The following LSAMP variants were observed in gnomAD, a reference collection of about 807,000 sequenced individuals.
LSAMP encodes limbic system-associated membrane protein.
LSAMP carries 7 observed loss-of-function variants against 38.6 expected under a neutral mutation model. The observed-to-expected ratio is 0.18, with a 90% CI of 0.10 to 0.34. The LOEUF (loss-of-function observed/expected upper bound fraction) is 0.34, where lower values mean the gene tolerates loss of function less well. Ranked by LOEUF, LSAMP falls within the 10% of genes least tolerant of loss-of-function variation. LSAMP has a pLI of 1.00. For missense variants in LSAMP, 313 were observed against 420.0 expected (o/e 0.75, Z 2.23); for synonymous variants, 154 against 166.8 (o/e 0.92, Z 0.59).
intron 1 of LSAMP, among the ~76,000 whole-genome samples, chr3:116,323,200 A>G (rs763345285): frequency 2.6e-5 from 4 of 152,144 alleles, no homozygotes; most frequent in Non-Finnish European, 4.4e-5. Context: ...TATCACAAAG[A>G]TGACTTAGCT....
At chr3:116,119,678 A>G (rs1056236860) in intron 1 of LSAMP, among the ~76,000 whole-genome samples, 3 of 137,126 alleles carry the variant, frequency 2.2e-5, no homozygotes, top group African/African-American at 8.7e-5. Context: ...TTTTTTTTTG[A>G]GAAGGAGTCT....
chr3:116,015,842 C>T (rs574401895), intron 3 of LSAMP, among the ~76,000 whole-genome samples: 2 of 152,126 alleles, frequency 1.3e-5, no homozygotes, highest in Admixed American at 1.3e-4. Context: ...TTTTCTTTCC[C>T]TCATGTCATC....
intron 3 of LSAMP, among the ~76,000 whole-genome samples, chr3:115,881,415 T>C (rs1259324359): frequency 1.3e-5 from 2 of 152,162 alleles, no homozygotes; most frequent in Admixed American, 1.3e-4. Context: ...CCAATTCTTT[T>C]GTGAGTATTA....
chr3:116,061,987 A>T (rs1941602364), intron 2 of LSAMP, among the ~76,000 whole-genome samples: 1 of 152,248 alleles, frequency 6.6e-6, no homozygotes, highest in African/African-American at 2.4e-5. Context: ...AATAATTACA[A>T]CATTTTTTTC....
chr3:116,420,667 T>G (rs905560629), intron 1 of LSAMP, among the ~76,000 whole-genome samples: 1 of 151,632 alleles, frequency 6.6e-6, no homozygotes, highest in Non-Finnish European at 1.5e-5. Context: ...GGTCAGGAAT[T>G]CGAGACCAGC....
chr3:116,273,119 C>A (rs545176937), intron 1 of LSAMP, among the ~76,000 whole-genome samples: 24 of 152,180 alleles, frequency 1.6e-4, no homozygotes, highest in African/African-American at 5.5e-4. Context: ...GGACAGAAGA[C>A]CTTATCTGTA....
chr3:115,996,520 C>T (rs1939818853), intron 3 of LSAMP, among the ~76,000 whole-genome samples: 1 of 151,696 alleles, frequency 6.6e-6, no homozygotes, highest in South Asian at 2.1e-4. Flanking sequence ...TAAAGTTTTC[C>T]CCTTAAATTA....
chr3:116,141,589 T>C (rs1709371883), intron 1 of LSAMP, among the ~76,000 whole-genome samples: 1 of 151,922 alleles, frequency 6.6e-6, no homozygotes, highest in African/African-American at 2.4e-5. Flanking sequence ...TCTTTAACAC[T>C]TTTGAATGAC....
intron 1 of LSAMP, among the ~76,000 whole-genome samples, chr3:116,177,450 G>T (rs1559771340): frequency 6.6e-6 from 1 of 151,950 alleles, no homozygotes; most frequent in Non-Finnish European, 1.5e-5. Flanking sequence ...CAGGATATAG[G>T]CTTCTTGAGA....
rs188613560 is a variant in LSAMP, at chr3:115,833,467, G to T, written c.919+8378C>A. ...ATAATAACTCTTATTAAACTGTCTAGTTGATCCTTGAAACCTTGCAATCCT... is the reference window on the plus strand; with the variant it reads ...ATAATAACTCTTATTAAACTGTCTATTTGATCCTTGAAACCTTGCAATCCT... On this transcript the variant is annotated intron_variant, in intron 6 of 6. Transcript: ENST00000490035. Among the ~76,000 whole-genome samples, 323 of 149,684 alleles carry T rather than the reference G, an allele frequency of 2.2e-3. 2 individuals are homozygous for T. Among genetic ancestry groups the T allele is most frequent in the African/African-American group, 7.6e-3 (311 of 40,708 alleles).
chr3:116,357,564 G>A, intron 1 of LSAMP, among the ~76,000 whole-genome samples: 1 of 152,116 alleles, frequency 6.6e-6, no homozygotes, highest in East Asian at 1.9e-4. Flanking sequence ...ACTAGGTATA[G>A]AGGATTGCAA....
intron 1 of LSAMP, among the ~76,000 whole-genome samples, chr3:116,167,207 C>A (rs150859600): frequency 4.1e-4 from 63 of 152,244 alleles, no homozygotes; most frequent in African/African-American, 1.5e-3. Context: ...AAGCAGTGTA[C>A]ACTGTACCCA....
chr3:116,168,825 A>G (rs1034609755), intron 1 of LSAMP, among the ~76,000 whole-genome samples: 1 of 152,204 alleles, frequency 6.6e-6, no homozygotes, highest in Non-Finnish European at 1.5e-5. Flanking sequence ...AGCACAGTAC[A>G]GTTCATTATA....
intron 1 of LSAMP, among the ~76,000 whole-genome samples, chr3:116,306,739 A>C (rs1428087415): frequency 6.6e-6 from 1 of 152,026 alleles, no homozygotes; most frequent in Non-Finnish European, 1.5e-5. Context: ...TGTTTTCTGC[A>C]TGTCTCTTGT....
chr3:116,413,979 G>C (rs1028076057), intron 1 of LSAMP, among the ~76,000 whole-genome samples: 36 of 151,928 alleles, frequency 2.4e-4, no homozygotes, highest in African/African-American at 8.4e-4. Flanking sequence ...CCTAATGCAT[G>C]TCTCTAATAG....
intron 1 of LSAMP, among the ~76,000 whole-genome samples, chr3:116,408,419 TGAA>T (rs1300564204): frequency 1.3e-5 from 2 of 152,112 alleles, no homozygotes; most frequent in African/African-American, 4.8e-5. Context: ...AAAATCTGAA[TGAA>T]GAAGAATATT....
At chr3:116,089,168 G>GA (rs1337379694) in intron 1 of LSAMP, among the ~76,000 whole-genome samples, 1 of 152,126 alleles carries the variant, frequency 6.6e-6, no homozygotes, top group Non-Finnish European at 1.5e-5. Flanking sequence ...AGAAGTAATT[G>GA]ACCATTTCAG....
chr3:116,392,589 G>T (rs2048718107), intron 1 of LSAMP, among the ~76,000 whole-genome samples: 1 of 152,238 alleles, frequency 6.6e-6, no homozygotes, highest in Non-Finnish European at 1.5e-5. Context: ...AAAAGCCTGG[G>T]CATCAGCAAG....
At chr3:116,273,927 T>C (rs1250446308) in intron 1 of LSAMP, among the ~76,000 whole-genome samples, 1 of 151,230 alleles carries the variant, frequency 6.6e-6, no homozygotes, top group African/African-American at 2.4e-5. Flanking sequence ...TGACCATAGG[T>C]TAGAAGAATA....
Sources: allele counts gnomAD v4.1 joint callset (sites outside exome capture counted in the v4.1 genomes callset), GRCh38; gene constraint gnomAD v4.1.1; transcripts MANE v1.5; gene names NCBI Gene and HGNC (gene_info 2026-07-23, HGNC 2026-07-21).